Variants in USP50 observed in about 807,000 individuals in gnomAD.
USP50 encodes the protein ubiquitin specific peptidase 50.
USP50 carries 37 observed loss-of-function variants against 39.2 expected under a neutral mutation model. That is an observed-to-expected ratio of 0.94 (90% confidence interval 0.73 to 1.24). The LOEUF (loss-of-function observed/expected upper bound fraction) is 1.24. Among genes scored for constraint, USP50 ranks in the 50% most tolerant of loss-of-function variants. The probability of loss-of-function intolerance (pLI) is 0.00; values close to 1 mark genes in which losing one functional copy is unlikely to be tolerated. For missense variants in USP50, 374 were observed against 398.2 expected (o/e 0.94, Z 0.52); for synonymous variants, 139 against 144.5 (o/e 0.96, Z 0.27).
At chr15:50,520,170 A>T (rs2052837192) in intron 6 of USP50, among the ~76,000 whole-genome samples, 1 of 152,068 alleles carries the variant, frequency 6.6e-6, no homozygotes, top group South Asian at 2.1e-4. Flanking sequence ...TCAGCTGGGC[A>T]TGGTGGCCTA....
intron 6 of USP50, chr15:50,508,933 G>A (rs961995134): frequency 4.0e-5 from 6 of 151,762 alleles, no homozygotes; most frequent in African/African-American, 1.4e-4. Context: ...AGGAGATTGA[G>A]ACCATCCTGG....
At chr15:50,514,590 G>A (rs8033430) in intron 6 of USP50, among the ~76,000 whole-genome samples, 2,148 of 152,132 alleles carry the variant, frequency 0.014, 45 homozygotes, top group African/African-American at 0.05. Context: ...GGAGTGCAGC[G>A]GCGCGATCTC....
chr15:50,511,246 G>A (rs2052735987), intron 6 of USP50: 1 of 152,108 alleles, frequency 6.6e-6, no homozygotes. Flanking sequence ...CTTTGTATGG[G>A]ATAGAATAAA....
At chr15:50,528,143 G>A (rs1181847582) in intron 6 of USP50, among the ~76,000 whole-genome samples, 1 of 149,438 alleles carries the variant, frequency 6.7e-6, no homozygotes, top group African/African-American at 2.5e-5. Flanking sequence ...CGGGACTCAA[G>A]TGATCCTCCT....
chr15:50,521,543 A>G (rs999216612), intron 6 of USP50, among the ~76,000 whole-genome samples: 1 of 152,258 alleles, frequency 6.6e-6, no homozygotes, highest in Non-Finnish European at 1.5e-5. Flanking sequence ...AACAAAGATC[A>G]AAGCAGAAAT....
intron 1 of USP50, among the ~76,000 whole-genome samples, chr15:50,494,573 T>TA (rs1158354808): frequency 6.6e-6 from 1 of 152,250 alleles, no homozygotes; most frequent in African/African-American, 2.4e-5. Context: ...AATGATCTTA[T>TA]AAAAGATTAT....
At chr15:50,520,175 G>A (rs1460704149) in intron 6 of USP50, among the ~76,000 whole-genome samples, 3 of 152,038 alleles carry the variant, frequency 2.0e-5, no homozygotes, top group Non-Finnish European at 4.4e-5. Context: ...TGGGCATGGT[G>A]GCCTATGCCT....
intron 4 of USP50, 137 bp from the exon 5 acceptor site, chr15:50,538,988 A>C (rs1287819880): frequency 6.7e-6 from 6 of 898,610 alleles, no homozygotes; most frequent in African/African-American, 1.7e-5. Flanking sequence ...TCCAGAAGAC[A>C]ACAGTCTCAC....
downstream of USP50, chr15:50,498,540 A>T (rs978932592): frequency 6.7e-7 from 1 of 1,503,248 alleles, no homozygotes; most frequent in African/African-American, 1.4e-5. Flanking sequence ...TTAATGAATG[A>T]GGATTCATCC....
chr15:50,512,687 G>A (rs2141354093), intron 6 of USP50: 1 of 152,208 alleles, frequency 6.6e-6, no homozygotes, highest in South Asian at 2.1e-4. Context: ...AGCTACTTGG[G>A]AGGCTGGGGC....
At chr15:50,506,945 G>C (rs1475904287) in intron 6 of USP50, 3 of 108,574 alleles carry the variant, frequency 2.8e-5, no homozygotes, top group East Asian at 5.9e-4. Flanking sequence ...GCGACAGAGC[G>C]AGACTTCATC....
At chr15:50,507,648 A>G (rs1367554450) in intron 6 of USP50, 1 of 152,204 alleles carries the variant, frequency 6.6e-6, no homozygotes, top group Non-Finnish European at 1.5e-5. Flanking sequence ...CAAGTCTACC[A>G]TCATAATGGA....
chr15:50,541,651 T>C (rs1020443249), intron 3 of USP50, among the ~76,000 whole-genome samples: 1 of 152,196 alleles, frequency 6.6e-6, no homozygotes, highest in African/African-American at 2.4e-5. Flanking sequence ...TCATGTGTGA[T>C]TTCTGATAAT....
chr15:50,533,188 C>CT (rs375953600), intron 5 of USP50, among the ~76,000 whole-genome samples: 2,023 of 135,368 alleles, frequency 0.015, 45 homozygotes, highest in African/African-American at 0.053. Flanking sequence ...AGAAAATAGA[C>CT]TAAAAAAAAA....
chr15:50,535,164 C>CAA (rs1555395809), intron 5 of USP50, among the ~76,000 whole-genome samples: 5 of 150,754 alleles, frequency 3.3e-5, no homozygotes, highest in East Asian at 3.9e-4. Context: ...CACACACACA[C>CAA]AAAAATTGAT....
At chr15:50,505,429 T>C (rs1343058564) in intron 6 of USP50, 2 of 152,152 alleles carry the variant, frequency 1.3e-5, no homozygotes, top group Admixed American at 6.5e-5. Context: ...CTAGTTATCA[T>C]CCAAGAATGA....
chr15:50,546,393 G>T, intron 1 of USP50, 80 bp downstream of exon 1: 2 of 1,463,368 alleles, frequency 1.4e-6, no homozygotes, highest in Non-Finnish European at 1.9e-6. Flanking sequence ...CCTGAATGCA[G>T]TGTGTGTCCC....
At chr15:50,515,707 TA>T (rs2052797368) in intron 6 of USP50, among the ~76,000 whole-genome samples, 1 of 151,730 alleles carries the variant, frequency 6.6e-6, no homozygotes, top group Non-Finnish European at 1.5e-5. Flanking sequence ...AATTAAAGAA[TA>T]AATCAGTTGA....
At position 50,544,580 on chromosome 15, in the gene USP50, G is replaced by T. The variant is rs754917762; in HGVS notation, c.248+7C>A. On this transcript the variant is annotated splice_region_variant and intron_variant, in intron 2 of 6. Transcript: ENST00000532404. ...GGCTGGGCTGCAGGGAATGCAAATGGTCTTACTTTTGCAGAGCGGTGATAT... is the reference window on the plus strand; with the variant it reads ...GGCTGGGCTGCAGGGAATGCAAATGTTCTTACTTTTGCAGAGCGGTGATAT... The T allele has an allele frequency of 6.8e-6, 11 of 1,610,910 alleles. No homozygotes were observed. In the African/African-American group the frequency reaches 1.3e-4, roughly 20 times the overall value.
Sources: allele counts gnomAD v4.1 joint callset (sites outside exome capture counted in the v4.1 genomes callset), GRCh38; gene constraint gnomAD v4.1.1; transcripts MANE v1.5; gene names NCBI Gene and HGNC (gene_info 2026-07-23, HGNC 2026-07-21).